GCFC2: variants seen among roughly 807,000 people sequenced by gnomAD.
The protein encoded by GCFC2 is intron Large complex component GCFC2.
Under a neutral mutation model 99.4 loss-of-function variants are expected in GCFC2, and 102 were observed. The ratio of observed to expected loss-of-function variants is 1.03; its 90% confidence interval spans 0.87 to 1.21. The LOEUF (loss-of-function observed/expected upper bound fraction) is 1.21. GCFC2 is among the 50% of genes most tolerant of loss of function. GCFC2 has a pLI of 0.00. For missense variants in GCFC2, 973 were observed against 920.9 expected, an observed-to-expected ratio of 1.06 and a Z score of -0.73; for synonymous variants, 338 against 316.8, an observed-to-expected ratio of 1.07 and a Z score of -0.71.
chr2:75,711,503 C>T (rs561014349), upstream of GCFC2, among the ~76,000 whole-genome samples: 1 of 152,372 alleles, frequency 6.6e-6, no homozygotes, highest in Non-Finnish European at 1.5e-5. Flanking sequence ...GTTCTATATT[C>T]ATCAAGCTCT....
chr2:75,680,281 G>A lies in GCFC2; in HGVS notation c.1724C>T (p.Thr575Ile). ...FVEFLWDPLSTSQTTSLITHC... is the reference protein window; with the variant it reads ...FVEFLWDPLSISQTTSLITHC... ...TGTTATTAAACTTGTTGTCTGTGAG[G>A]TTGACAAAGGATCCCAAAGGAATTC... Residue 575 changes from threonine (T) to isoleucine (I), a missense_variant, in exon 12 of 17, where the codon ACC becomes ATC. By Grantham distance (89) the Thr-to-Ile change is moderately conservative (BLOSUM62 -1). Transcript: ENST00000321027. 1 of 1,607,924 alleles carries A rather than the reference G, an allele frequency of 6.2e-7. No homozygotes were observed. The highest frequency in any genetic ancestry group is 8.5e-7 in the Non-Finnish European group (1 of 1,174,746).
At chr2:75,672,850 A>G (rs563445123) in intron 13 of GCFC2, among the ~76,000 whole-genome samples, 6 of 152,324 alleles carry the variant, frequency 3.9e-5, no homozygotes, top group South Asian at 2.1e-4. Context: ...TTACCACTCT[A>G]TATCACCTGC....
intron 12 of GCFC2, among the ~76,000 whole-genome samples, chr2:75,679,616 T>A (rs1215311374): frequency 6.6e-6 from 1 of 152,208 alleles, no homozygotes; most frequent in African/African-American, 2.4e-5. Flanking sequence ...AAATAACTAG[T>A]TAATACAATA....
At chr2:75,704,379 T>C (rs1680740921) in intron 2 of GCFC2, among the ~76,000 whole-genome samples, 1 of 152,218 alleles carries the variant, frequency 6.6e-6, no homozygotes, top group Non-Finnish European at 1.5e-5. Context: ...CCTCCATCTT[T>C]TCTTCGCCAG....
intron 14 of GCFC2, chr2:75,670,543 C>A (rs964104971): frequency 2.2e-5 from 6 of 267,570 alleles, no homozygotes; most frequent in Non-Finnish European, 4.4e-5. Flanking sequence ...CTTTCCAGAT[C>A]AATAATCTTC....
chr2:75,669,701 C>T (rs1229078311), intron 15 of GCFC2, among the ~76,000 whole-genome samples: 1 of 152,074 alleles, frequency 6.6e-6, no homozygotes, highest in Admixed American at 6.6e-5. Context: ...TACAGAAGAG[C>T]GGCTCTGCAT....
chr2:75,664,525 A>G lies in GCFC2; in HGVS notation c.*141T>C. The G allele has an allele frequency of 3.9e-6, 2 of 510,860 alleles. No homozygotes were observed. The highest frequency in any genetic ancestry group is 6.9e-6 in the Non-Finnish European group (2 of 288,870). 31.6% of individuals were successfully genotyped at this position (510,860 alleles called of 1,614,324 possible). A position where few individuals can be genotyped will look rare whatever the true frequency, so the allele number is the denominator to read the frequency against. On this transcript the variant is annotated 3_prime_UTR_variant, in exon 17 of 17. Coordinates refer to ENST00000321027, the MANE Select transcript of GCFC2 (RefSeq NM_003203.5). ...ATGCCAGAAGGTAAAGCACGGGGGA[A>G]TACAGAGGTGGAGTCCTGCTTTTTT... is the stretch of plus-strand genomic sequence containing the variant.
At chr2:75,697,498 A>G (rs1201305460) in intron 4 of GCFC2, 1 of 152,150 alleles carries the variant, frequency 6.6e-6, no homozygotes, top group Non-Finnish European at 1.5e-5. Context: ...CTGATCACCC[A>G]CTTGCTCCTT....
chr2:75,664,870 T>C, intron 16 of GCFC2, 87 bp from the exon 17 acceptor site: 1 of 691,862 alleles, frequency 1.4e-6, no homozygotes, highest in South Asian at 1.7e-5. Flanking sequence ...CAGTTGTTAA[T>C]CTAAAACAAA....
At chr2:75,678,441 G>C (rs1679440251) in intron 12 of GCFC2, among the ~76,000 whole-genome samples, 1 of 152,114 alleles carries the variant, frequency 6.6e-6, no homozygotes, top group Admixed American at 6.6e-5. Flanking sequence ...TCCTATTGGA[G>C]GTAAGCAGAA....
intron 12 of GCFC2, 85 bp from the exon 13 acceptor site, chr2:75,673,605 A>G: frequency 3.0e-6 from 2 of 672,896 alleles, no homozygotes; most frequent in South Asian, 1.7e-5. Context: ...TGCAGTACAA[A>G]TTTATCCACA....
intron 14 of GCFC2, among the ~76,000 whole-genome samples, chr2:75,671,311 AAAT>A (rs1679081319): frequency 6.6e-6 from 1 of 152,134 alleles, no homozygotes; most frequent in African/African-American, 2.4e-5. Context: ...CCATGGCTCC[AAAT>A]ATTACCTACA....
intron 5 of GCFC2, among the ~76,000 whole-genome samples, chr2:75,695,177 T>C (rs536999442): frequency 6.6e-6 from 1 of 152,330 alleles, no homozygotes; most frequent in Non-Finnish European, 1.5e-5. Context: ...CATCCTTTGT[T>C]TTTATAAATA....
At chr2:75,678,994 C>A (rs902653009) in intron 12 of GCFC2, among the ~76,000 whole-genome samples, 3 of 152,178 alleles carry the variant, frequency 2.0e-5, no homozygotes, top group African/African-American at 7.2e-5. Context: ...CCATACCTGG[C>A]GATCACCCAT....
At chr2:75,706,844 C>T (rs1211813053) in intron 1 of GCFC2, among the ~76,000 whole-genome samples, 193 bp from the exon 2 acceptor site, 1 of 151,666 alleles carries the variant, frequency 6.6e-6, no homozygotes, top group African/African-American at 2.4e-5. Flanking sequence ...TACAAAGACC[C>T]TATTTGTATT....
At chr2:75,701,468 T>C (rs1010764117) in intron 3 of GCFC2, 181 bp from the exon 4 acceptor site, 9 of 586,080 alleles carry the variant, frequency 1.5e-5, no homozygotes, top group Non-Finnish European at 2.1e-5. Flanking sequence ...GAAATGCAAA[T>C]ATTGGGAGGT....
At chr2:75,709,986 T>A (rs985617809) in intron 1 of GCFC2, among the ~76,000 whole-genome samples, 1 of 152,210 alleles carries the variant, frequency 6.6e-6, no homozygotes, top group Admixed American at 6.5e-5. Flanking sequence ...ATTTAAGAAC[T>A]CAAAGGTACT....
rs1023246971 is a variant in GCFC2, at chr2:75,662,914, A to AC, written c.*1751_*1752insG. 2 of 151,800 alleles carry AC rather than the reference A, an allele frequency of 1.3e-5. No homozygotes were observed. Among genetic ancestry groups the AC allele is most frequent in the South Asian group, 2.1e-4 (1 of 4,828 alleles). The allele number at this position is 151,800 out of a possible 1,614,324, so 9.4% of individuals were successfully genotyped here. On this transcript the variant is annotated 3_prime_UTR_variant, in exon 17 of 17. Coordinates refer to ENST00000321027, the MANE Select transcript of GCFC2 (RefSeq NM_003203.5). Reference sequence around the variant, plus strand: ...TGTCTGCCACTTACGTAAAAAAAAAAAAAAAACCCAAAACTATGTACACAT... The same window carrying AC: ...TGTCTGCCACTTACGTAAAAAAAAAACAAAAAACCCAAAACTATGTACACAT...
intron 6 of GCFC2, among the ~76,000 whole-genome samples, chr2:75,693,064 G>C (rs2104358578): frequency 6.6e-6 from 1 of 152,282 alleles, no homozygotes; most frequent in South Asian, 2.1e-4. Flanking sequence ...ACTTCAGAAA[G>C]TAACTACCAA....
Sources: gnomAD v4.1 joint callset for allele counts (sites outside exome capture counted in the v4.1 genomes callset) on GRCh38, gnomAD v4.1.1 for gene constraint, MANE v1.5 for transcripts, NCBI Gene and HGNC (gene_info 2026-07-23, HGNC 2026-07-21) for gene names.